CDH12: variants seen among roughly 807,000 people sequenced by gnomAD.
The protein encoded by CDH12 is cadherin-12.
CDH12 carries 41 observed loss-of-function variants against 74.1 expected under a neutral mutation model. The ratio of observed to expected loss-of-function variants is 0.55; its 90% CI spans 0.43 to 0.72. The LOEUF (loss-of-function observed/expected upper bound fraction) is 0.72. Among genes scored for constraint, CDH12 ranks in the 30% least tolerant of loss-of-function variants. The pLI, the probability that CDH12 is intolerant of heterozygous loss-of-function variation, is 0.00. For missense variants in CDH12, 945 were observed against 977.2 expected (o/e 0.97, Z 0.44); for synonymous variants, 399 against 355.0 (o/e 1.12, Z -1.39).
At chr5:21,991,580 C>T (rs1757757585) in intron 5 of CDH12, among the ~76,000 whole-genome samples, 1 of 147,276 alleles carries the variant, frequency 6.8e-6, no homozygotes. Context: ...GTATATAAAT[C>T]TCAATGCTCT....
At chr5:22,571,783 A>C (rs1466280657) in intron 1 of CDH12, among the ~76,000 whole-genome samples, 1 of 152,126 alleles carries the variant, frequency 6.6e-6, no homozygotes, top group Non-Finnish European at 1.5e-5. Flanking sequence ...GACAAGGAAA[A>C]AGCCATGTGG....
intron 6 of CDH12, among the ~76,000 whole-genome samples, chr5:21,872,671 G>C (rs1187137116): frequency 6.6e-6 from 1 of 152,022 alleles, no homozygotes; most frequent in Non-Finnish European, 1.5e-5. Context: ...AATGTATTTG[G>C]CCAAGGTGTT....
At chr5:22,497,333 C>T (rs1747139598) in intron 2 of CDH12, among the ~76,000 whole-genome samples, 1 of 152,148 alleles carries the variant, frequency 6.6e-6, no homozygotes, top group Non-Finnish European at 1.5e-5. Flanking sequence ...ATTCCCATTG[C>T]TCAGGCCAGA....
intron 6 of CDH12, among the ~76,000 whole-genome samples, chr5:21,881,925 T>C (rs1459389631): frequency 6.6e-6 from 1 of 152,148 alleles, no homozygotes; most frequent in African/African-American, 2.4e-5. Flanking sequence ...TCTGCAAAAG[T>C]GAGAAGAAAT....
intron 1 of CDH12, among the ~76,000 whole-genome samples, chr5:22,713,321 T>G (rs576641977): frequency 6.6e-6 from 1 of 151,704 alleles, no homozygotes. Context: ...TTTTGTATTT[T>G]TAGTAGAGAC....
At chr5:22,741,377 A>G (rs943615379) in intron 1 of CDH12, among the ~76,000 whole-genome samples, 1 of 152,132 alleles carries the variant, frequency 6.6e-6, no homozygotes, top group African/African-American at 2.4e-5. Context: ...CAAGTATGCT[A>G]TTTCCCATAT....
intron 1 of CDH12, among the ~76,000 whole-genome samples, chr5:22,810,398 A>C (rs1464252631): frequency 6.6e-6 from 1 of 152,182 alleles, no homozygotes; most frequent in African/African-American, 2.4e-5. Context: ...TTGTTAAAAG[A>C]TTGTTCATTA....
At chr5:22,003,324 T>C (rs1736715811) in intron 5 of CDH12, among the ~76,000 whole-genome samples, 1 of 152,196 alleles carries the variant, frequency 6.6e-6, no homozygotes, top group African/African-American at 2.4e-5. Context: ...TCTGTCACCG[T>C]TAATTTCTTG....
chr5:22,665,366 GACTT>G (rs1740562744), intron 1 of CDH12, among the ~76,000 whole-genome samples: 1 of 152,112 alleles, frequency 6.6e-6, no homozygotes, highest in Admixed American at 6.6e-5. Flanking sequence ...GGATTTAAGA[GACTT>G]AAGGGGAGCA....
chr5:22,850,089 G>A (rs1737476188), intron 1 of CDH12, among the ~76,000 whole-genome samples: 1 of 151,944 alleles, frequency 6.6e-6, no homozygotes, highest in African/African-American at 2.4e-5. Context: ...ACAAAACGTA[G>A]AATAACATTA....
At chr5:22,032,439 C>T (rs142478509) in intron 5 of CDH12, among the ~76,000 whole-genome samples, 2,650 of 151,910 alleles carry the variant, frequency 0.017, 78 homozygotes, top group African/African-American at 0.06. Flanking sequence ...GGGCCAGGCA[C>T]GGTGGCTCAC....
At chr5:22,493,671 G>A (rs1381427814) in intron 2 of CDH12, among the ~76,000 whole-genome samples, 2 of 151,918 alleles carry the variant, frequency 1.3e-5, no homozygotes, top group Admixed American at 1.3e-4. Context: ...ATGAATAAAA[G>A]AGGAGAAAGC....
In CDH12 at chr5:21,833,251, A is replaced by ATCATATAACATATAATATATATTATATG. The variant is rs1561225464; in HGVS notation, c.814+8909_814+8910insCATATAATATATATTATATGTTATATGA. ...ATATAACATATAATATATATTATATATTATATAACATATAATATATATTAT... is the reference window on the plus strand; with the variant it reads ...ATATAACATATAATATATATTATATATCATATAACATATAATATATATTATATGTTATATAACATATAATATATATTAT... On this transcript the variant is annotated intron_variant, in intron 8 of 14. Transcript: ENST00000382254. 1.5e-3 allele frequency among the ~76,000 whole-genome samples: 20 copies of ATCATATAACATATAATATATATTATATG among 13,218 alleles called. 4 individuals carry two copies. The highest frequency in any genetic ancestry group is 5.2e-3 in the Admixed American group (3 of 576). 8.7% of individuals were successfully genotyped at this position (13,218 alleles called of 152,430 possible).
chr5:22,794,461 G>C (rs188200698), intron 1 of CDH12, among the ~76,000 whole-genome samples: 6 of 152,290 alleles, frequency 3.9e-5, no homozygotes, highest in Admixed American at 2.6e-4. Flanking sequence ...AACTGGAGCG[G>C]AGTCTGGGTC....
chr5:21,980,964 G>A (rs947816691), intron 5 of CDH12, among the ~76,000 whole-genome samples: 7 of 152,048 alleles, frequency 4.6e-5, no homozygotes, highest in African/African-American at 1.2e-4. Context: ...ATAGGGAATC[G>A]AAGAGTTTAT....
At chr5:22,601,016 A>G (rs1206647032) in intron 1 of CDH12, among the ~76,000 whole-genome samples, 1 of 152,158 alleles carries the variant, frequency 6.6e-6, no homozygotes, top group Non-Finnish European at 1.5e-5. Context: ...AGAACTGGCC[A>G]CTGAAGAATT....
At chr5:22,543,058 T>G (rs1283767740) in intron 1 of CDH12, among the ~76,000 whole-genome samples, 1 of 152,290 alleles carries the variant, frequency 6.6e-6, no homozygotes, top group East Asian at 1.9e-4. Context: ...ATCAGAGTCA[T>G]GAGAATTATG....
intron 2 of CDH12, among the ~76,000 whole-genome samples, chr5:22,453,890 A>G (rs1381085955): frequency 6.6e-6 from 1 of 152,104 alleles, no homozygotes; most frequent in Non-Finnish European, 1.5e-5. Flanking sequence ...TAATATTTAT[A>G]TGATTTATTT....
chr5:22,739,144 G>A (rs1042538206), intron 1 of CDH12, among the ~76,000 whole-genome samples: 2 of 151,698 alleles, frequency 1.3e-5, no homozygotes, highest in Non-Finnish European at 2.9e-5. Context: ...ATGTTAATTT[G>A]GTTTCAATGA....
Sources: allele counts gnomAD v4.1 joint callset (sites outside exome capture counted in the v4.1 genomes callset), GRCh38; gene constraint gnomAD v4.1.1; transcripts MANE v1.5; gene names NCBI Gene and HGNC (gene_info 2026-07-23, HGNC 2026-07-21).